Variants in KMT2C observed in about 807,000 individuals in gnomAD.
KMT2C encodes histone-lysine N-methyltransferase 2C.
Under a neutral mutation model 507.9 loss-of-function variants are expected in KMT2C, and 88 were observed. The ratio of observed to expected loss-of-function variants is 0.17; its 90% CI spans 0.15 to 0.21. The LOEUF (loss-of-function observed/expected upper bound fraction) is 0.21. Among genes scored for constraint, KMT2C ranks in the 10% least tolerant of loss-of-function variants. KMT2C has a pLI of 1.00. For synonymous variants in KMT2C, 2,049 were observed against 2,080.8 expected (o/e 0.98, Z 0.42); for missense variants, 4,954 against 5,957.8 (o/e 0.83, Z 5.55).
Position 152,145,261 on chromosome 7 carries a change from A to G in KMT2C, c.14066T>C (p.Phe4689Ser). Residue 4689 changes from phenylalanine to serine, a missense_variant, in exon 54 of 59, where the codon TTC (phenylalanine) becomes TCC (serine). Transcript: ENST00000262189. Reference sequence around the variant, plus strand: ...CATGAGAGGATTTCGGCCGTATCGGAAGGTATAATTTTCACATGCCTCAAC... The same window carrying G: ...CATGAGAGGATTTCGGCCGTATCGGGAGGTATAATTTTCACATGCCTCAAC... ...PGVEACENYT[F>S]RYGRNPLMEL... 1 of 1,614,180 alleles carries G rather than the reference A, an allele frequency of 6.2e-7. No homozygotes were observed. The highest frequency in any genetic ancestry group is 8.5e-7 in the Non-Finnish European group (1 of 1,180,022).
chr7:152,161,970 G>A, intron 43 of KMT2C, 147 bp downstream of exon 43: 2 of 865,838 alleles, frequency 2.3e-6, no homozygotes, highest in Non-Finnish European at 3.2e-6. Flanking sequence ...ATGGGTTCCA[G>A]AGAGGTAGAA....
chr7:152,216,601 G>A (rs995241723), intron 23 of KMT2C, among the ~76,000 whole-genome samples: 1 of 152,156 alleles, frequency 6.6e-6, no homozygotes, highest in Non-Finnish European at 1.5e-5. Flanking sequence ...GAAACTGTCA[G>A]ATATGCTATA....
chr7:152,183,290 CCCAAAAAAGG>C (rs1259273674), intron 34 of KMT2C, 134 bp from the exon 35 acceptor site: 1 of 648,394 alleles, frequency 1.5e-6, no homozygotes, highest in Non-Finnish European at 2.6e-6. Context: ...TACGGCACCT[CCCAAAAAAGG>C]ATCTGGACAC....
At chr7:152,419,355 A>C (rs2097765414) in intron 1 of KMT2C, among the ~76,000 whole-genome samples, 1 of 152,178 alleles carries the variant, frequency 6.6e-6, no homozygotes, top group South Asian at 2.1e-4. Flanking sequence ...TGTCTCCAAA[A>C]AAAAAAGTGG....
intron 25 of KMT2C, 74 bp downstream of exon 25, chr7:152,205,032 G>C: frequency 1.1e-6 from 1 of 942,148 alleles, no homozygotes; most frequent in Non-Finnish European, 1.6e-6. Context: ...ATTTAGGATA[G>C]TTTTTTCCAA....
At position 152,145,238 on chromosome 7, in the gene KMT2C, T is replaced by G; in HGVS notation, c.14089A>C (p.Met4697Leu). 1 of 1,614,114 alleles carries G rather than the reference T, an allele frequency of 6.2e-7. No homozygotes were observed. Among genetic ancestry groups the G allele is most frequent in the Non-Finnish European group, 8.5e-7 (1 of 1,179,996 alleles). The change falls in exon 54 of 59, where the codon ATG becomes CTG. Residue 4697 changes from methionine (M) to leucine (L), a missense_variant. By Grantham distance (15) the Met-to-Leu change is conservative. Around this residue, in one of 29 missense-constraint regions of KMT2C, gnomAD observed 221 missense variants for 304.7 expected, o/e 0.73. Transcript: ENST00000262189. ...GGGTTAACGGCAAGAGGAAGTTCCATGAGAGGATTTCGGCCGTATCGGAAG... is the reference window on the plus strand; with the variant it reads ...GGGTTAACGGCAAGAGGAAGTTCCAGGAGAGGATTTCGGCCGTATCGGAAG... ...YTFRYGRNPL[M>L]ELPLAVNPTG... is the part of the protein sequence containing the mutation.
At chr7:152,399,367 A>T (rs997216731) in intron 1 of KMT2C, among the ~76,000 whole-genome samples, 6 of 152,198 alleles carry the variant, frequency 3.9e-5, no homozygotes, top group Admixed American at 6.5e-5. Context: ...AAAAAAATTT[A>T]AAGCCAAATT....
intron 8 of KMT2C, 147 bp from the exon 9 acceptor site, chr7:152,263,277 A>G: frequency 1.6e-6 from 1 of 623,916 alleles, no homozygotes; most frequent in South Asian, 2.5e-5. Flanking sequence ...TAACAGAGGT[A>G]ACCCTGCCAT....
intron 3 of KMT2C, among the ~76,000 whole-genome samples, chr7:152,321,429 T>G (rs1036198537): frequency 2.0e-5 from 3 of 151,714 alleles, no homozygotes; most frequent in Non-Finnish European, 2.9e-5. Flanking sequence ...CAGAGCAATA[T>G]GGTCAAGAGA....
At chr7:152,285,288 G>T (rs529540644) in intron 6 of KMT2C, among the ~76,000 whole-genome samples, 1 of 152,226 alleles carries the variant, frequency 6.6e-6, no homozygotes, top group Admixed American at 6.6e-5. Flanking sequence ...GCAACAGATC[G>T]GTGATTGGCA....
At chr7:152,408,582 T>C (rs944459007) in intron 1 of KMT2C, among the ~76,000 whole-genome samples, 9 of 152,182 alleles carry the variant, frequency 5.9e-5, no homozygotes, top group African/African-American at 1.9e-4. Context: ...TAGATTCTCA[T>C]AGAAGCACAA....
At chr7:152,251,517 A>G (rs1393959552) in intron 11 of KMT2C, among the ~76,000 whole-genome samples, 1 of 152,224 alleles carries the variant, frequency 6.6e-6, no homozygotes, top group Non-Finnish European at 1.5e-5. Flanking sequence ...ACAGTAGGAT[A>G]CTACTAAAAA....
chr7:152,229,854 G>C, intron 18 of KMT2C, 69 bp downstream of exon 18: 1 of 1,068,858 alleles, frequency 9.4e-7, no homozygotes, highest in Non-Finnish European at 1.4e-6. Context: ...AGAACTGGGA[G>C]CTCATGTTAC....
At chr7:152,303,775 G>A (rs879636816) in intron 6 of KMT2C, among the ~76,000 whole-genome samples, 2 of 152,172 alleles carry the variant, frequency 1.3e-5, no homozygotes, top group African/African-American at 4.8e-5. Flanking sequence ...ATCACCTGAG[G>A]CCAGGAGTTC....
At chr7:152,184,658 T>C (rs2093565948) in intron 34 of KMT2C, among the ~76,000 whole-genome samples, 1 of 152,214 alleles carries the variant, frequency 6.6e-6, no homozygotes, top group Non-Finnish European at 1.5e-5. Context: ...TCTGTATCCA[T>C]GGGGTATTGG....
intron 1 of KMT2C, among the ~76,000 whole-genome samples, chr7:152,389,047 CA>C (rs1005035229): frequency 5.9e-5 from 9 of 152,070 alleles, no homozygotes; most frequent in African/African-American, 2.2e-4. Flanking sequence ...CGCGCCCGAC[CA>C]ACTTTTTGTA....
chr7:152,253,172 TA>T (rs2095588438), intron 9 of KMT2C, among the ~76,000 whole-genome samples: 1 of 152,056 alleles, frequency 6.6e-6, no homozygotes, highest in Admixed American at 6.6e-5. Context: ...ATACACCTTT[TA>T]AAAAGCTGTT....
At chr7:152,300,543 G>C (rs2096556905) in intron 6 of KMT2C, among the ~76,000 whole-genome samples, 1 of 152,204 alleles carries the variant, frequency 6.6e-6, no homozygotes, top group African/African-American at 2.4e-5. Context: ...CAGCACATAA[G>C]GAAGCTGGTA....
chr7:152,221,957 G>T, intron 22 of KMT2C, 44 bp downstream of exon 22: 1 of 1,445,764 alleles, frequency 6.9e-7, no homozygotes, highest in Non-Finnish European at 9.6e-7. Flanking sequence ...TAAAAATTAA[G>T]CAAAGTAAAT....
Sources: allele counts gnomAD v4.1 joint callset (sites outside exome capture counted in the v4.1 genomes callset), GRCh38; gene constraint gnomAD v4.1.1; regional missense constraint gnomAD v4.1.1; transcripts MANE v1.5; gene names NCBI Gene and HGNC (gene_info 2026-07-23, HGNC 2026-07-21).